ARHGAP15: variants seen among roughly 807,000 people sequenced by gnomAD.
ARHGAP15 encodes the protein Rho GTPase activating protein 15.
ARHGAP15 carries 51 observed loss-of-function variants against 63.7 expected under a neutral mutation model. That is an observed-to-expected ratio of 0.80 (90% CI 0.64 to 1.01). The LOEUF is 1.01. Ranked by LOEUF, ARHGAP15 falls within the 50% of genes least tolerant of loss-of-function variation. The pLI is 0.00. For synonymous variants in ARHGAP15, 191 were observed against 193.8 expected, an observed-to-expected ratio of 0.99 and a Z score of 0.12; for missense variants, 560 against 564.6, an observed-to-expected ratio of 0.99 and a Z score of 0.08.
chr2:143,202,878 A>G (rs1203273468), intron 3 of ARHGAP15, among the ~76,000 whole-genome samples: 1 of 152,120 alleles, frequency 6.6e-6, no homozygotes, highest in Non-Finnish European at 1.5e-5. Flanking sequence ...TGACAAAAAG[A>G]GTACCTGAAA....
chr2:143,282,517 T>A (rs1366195609), intron 6 of ARHGAP15, among the ~76,000 whole-genome samples: 8 of 152,086 alleles, frequency 5.3e-5, no homozygotes, highest in Non-Finnish European at 1.2e-4. Context: ...CCATCAGGTC[T>A]CATGAGACAT....
chr2:143,494,183 C>T (rs1480361877), intron 9 of ARHGAP15, among the ~76,000 whole-genome samples: 1 of 151,936 alleles, frequency 6.6e-6, no homozygotes, highest in African/African-American at 2.4e-5. Flanking sequence ...TTCTCTGTTT[C>T]CTATTCTGAG....
intron 6 of ARHGAP15, among the ~76,000 whole-genome samples, chr2:143,396,775 C>T (rs1687780319): frequency 6.6e-6 from 1 of 151,904 alleles, no homozygotes; most frequent in Admixed American, 6.6e-5. Context: ...CATATTCAGT[C>T]AAGGAGATGA....
chr2:143,525,124 T>C (rs1694210191), intron 10 of ARHGAP15, among the ~76,000 whole-genome samples: 1 of 152,170 alleles, frequency 6.6e-6, no homozygotes, highest in South Asian at 2.1e-4. Context: ...AATTTTATAC[T>C]GTTCATTCTT....
intron 2 of ARHGAP15, among the ~76,000 whole-genome samples, chr2:143,162,739 T>C (rs1041898705): frequency 6.6e-6 from 1 of 152,060 alleles, no homozygotes; most frequent in Non-Finnish European, 1.5e-5. Flanking sequence ...AAAATAACTT[T>C]GGAACCATAG....
At chr2:143,436,495 G>GCACA (rs1345240330) in intron 7 of ARHGAP15, among the ~76,000 whole-genome samples, 1 of 152,104 alleles carries the variant, frequency 6.6e-6, no homozygotes, top group Non-Finnish European at 1.5e-5. Flanking sequence ...GTGTGTGAGT[G>GCACA]CACATACATA....
chr2:143,267,712 C>T (rs1268394934), intron 6 of ARHGAP15, among the ~76,000 whole-genome samples: 3 of 152,010 alleles, frequency 2.0e-5, no homozygotes, highest in Non-Finnish European at 4.4e-5. Context: ...ATTTGTATAC[C>T]ATTTTTAAAG....
chr2:143,316,245 T>C (rs1440798473), intron 6 of ARHGAP15, among the ~76,000 whole-genome samples: 1 of 152,056 alleles, frequency 6.6e-6, no homozygotes, highest in Non-Finnish European at 1.5e-5. Context: ...CAAACCTTCC[T>C]GCAAAAATGC....
intron 11 of ARHGAP15, chr2:143,571,874 GA>G (rs1696472485): frequency 6.6e-6 from 1 of 152,210 alleles, no homozygotes; most frequent in South Asian, 2.1e-4. Flanking sequence ...ATTATTATTT[GA>G]TAGGTCCCAG....
chr2:143,384,184 G>T (rs948334576), intron 6 of ARHGAP15, among the ~76,000 whole-genome samples: 4 of 152,052 alleles, frequency 2.6e-5, no homozygotes, highest in African/African-American at 9.6e-5. Context: ...ACGTATGCCT[G>T]TTGATTTTTT....
At chr2:143,428,509 A>C (rs185540021) in intron 6 of ARHGAP15, among the ~76,000 whole-genome samples, 10 of 152,100 alleles carry the variant, frequency 6.6e-5, no homozygotes, top group Admixed American at 2.0e-4. Context: ...AAGGAAAAAC[A>C]TGGATGAGAC....
At chr2:143,342,503 G>A (rs776487935) in intron 6 of ARHGAP15, among the ~76,000 whole-genome samples, 4 of 151,940 alleles carry the variant, frequency 2.6e-5, no homozygotes, top group Non-Finnish European at 5.9e-5. Context: ...CTACTTATAG[G>A]GTATTCATCC....
At chr2:143,523,264 T>C (rs947342242) in intron 10 of ARHGAP15, among the ~76,000 whole-genome samples, 5 of 152,100 alleles carry the variant, frequency 3.3e-5, no homozygotes, top group Non-Finnish European at 7.4e-5. Context: ...TAGCATAAAC[T>C]GTGATAAGTA....
chr2:143,730,622 A>C (rs1253956748), intron 13 of ARHGAP15, among the ~76,000 whole-genome samples: 1 of 152,140 alleles, frequency 6.6e-6, no homozygotes, highest in African/African-American at 2.4e-5. Context: ...AGAGTTCAAA[A>C]GTCAAAAGTG....
chr2:143,495,296 A>G (rs550717890), intron 9 of ARHGAP15, among the ~76,000 whole-genome samples: 1 of 152,274 alleles, frequency 6.6e-6, no homozygotes, highest in African/African-American at 2.4e-5. Flanking sequence ...TCTGTTAAGT[A>G]TTTGCTTAAA....
rs1683210781 is a variant in ARHGAP15 at position 143,683,884 on chromosome 2, T to C, written c.1139-19535T>C. 1.3e-5 allele frequency among the ~76,000 whole-genome samples: 2 copies of C among 152,346 alleles called. 1 individual carries two copies. The highest frequency in any genetic ancestry group is 4.1e-4 in the South Asian group (2 of 4,830). ...ATCTTAATCACAACCTGCAAGGGTA[T>C]TTGCATGTTGCTGATATTTGTCTTG... On this transcript the variant is annotated intron_variant, in intron 12 of 13. Transcript: ENST00000295095.
At chr2:143,160,415 G>A (rs1220336563) in intron 2 of ARHGAP15, among the ~76,000 whole-genome samples, 1 of 151,922 alleles carries the variant, frequency 6.6e-6, no homozygotes, top group African/African-American at 2.4e-5. Context: ...ACAGTGGAGT[G>A]AGACTCTCCA....
At chr2:143,398,162 G>C (rs1687850770) in intron 6 of ARHGAP15, among the ~76,000 whole-genome samples, 1 of 152,102 alleles carries the variant, frequency 6.6e-6, no homozygotes, top group South Asian at 2.1e-4. Context: ...AGACTCCAAG[G>C]TGGACTCAAG....
At chr2:143,646,642 G>T (rs918169868) in intron 12 of ARHGAP15, among the ~76,000 whole-genome samples, 1 of 151,962 alleles carries the variant, frequency 6.6e-6, no homozygotes, top group Admixed American at 6.6e-5. Context: ...CCTTGACTGG[G>T]ATTTATATAT....
Sources: allele counts gnomAD v4.1 joint callset (sites outside exome capture counted in the v4.1 genomes callset), GRCh38; gene constraint gnomAD v4.1.1; transcripts MANE v1.5; gene names NCBI Gene and HGNC (gene_info 2026-07-23, HGNC 2026-07-21).